AGBL1: variants seen among roughly 807,000 people sequenced by gnomAD.
The protein encoded by AGBL1 is cytosolic carboxypeptidase 4.
AGBL1 carries 130 observed loss-of-function variants against 118.9 expected under a neutral mutation model. The observed-to-expected ratio is 1.09, with a 90% CI of 0.95 to 1.26. The LOEUF is 1.26. AGBL1 is among the 50% of genes most tolerant of loss of function. AGBL1 has a pLI of 0.00. For synonymous variants in AGBL1, 555 were observed against 478.9 expected (o/e 1.16, Z -2.08); for missense variants, 1,584 against 1,298.1 (o/e 1.22, Z -3.38).
At chr15:86,494,638 A>T (rs575446307) in intron 18 of AGBL1, among the ~76,000 whole-genome samples, 56 of 152,218 alleles carry the variant, frequency 3.7e-4, no homozygotes, top group Non-Finnish European at 7.6e-4. Flanking sequence ...AAACATGAGC[A>T]GTTTATTTAC....
intron 24 of AGBL1, among the ~76,000 whole-genome samples, chr15:87,007,772 G>A (rs1483239255): frequency 1.3e-5 from 2 of 152,210 alleles, no homozygotes; most frequent in Non-Finnish European, 2.9e-5. Context: ...GATTACCTCT[G>A]TGTATGCTTA....
At chr15:86,112,019 C>G (rs34005257) in intron 1 of AGBL1, among the ~76,000 whole-genome samples, 23,731 of 152,166 alleles carry the variant, frequency 0.16, 1,954 homozygotes, top group East Asian at 0.24. Context: ...TGATCTGTCA[C>G]TGTTCCCCAA....
chr15:86,501,652 CT>C (rs1202475864), intron 18 of AGBL1, among the ~76,000 whole-genome samples: 1 of 151,410 alleles, frequency 6.6e-6, no homozygotes, highest in Non-Finnish European at 1.5e-5. Context: ...TCCAAATGTA[CT>C]GTTTTATGTA....
chr15:86,588,287 A>G (rs2142345940), intron 21 of AGBL1, among the ~76,000 whole-genome samples: 1 of 152,336 alleles, frequency 6.6e-6, no homozygotes, highest in African/African-American at 2.4e-5. Context: ...GAGAGCCTTG[A>G]TCACCTACAG....
intron 1 of AGBL1, among the ~76,000 whole-genome samples, chr15:86,089,338 A>G (rs955940398): frequency 6.6e-6 from 1 of 152,196 alleles, no homozygotes; most frequent in East Asian, 1.9e-4. Context: ...TAATGACCCT[A>G]CAACCAGTCT....
At chr15:86,838,798 G>C (rs1049342150) in intron 22 of AGBL1, among the ~76,000 whole-genome samples, 4 of 151,684 alleles carry the variant, frequency 2.6e-5, no homozygotes, top group Non-Finnish European at 5.9e-5. Context: ...TAAAAAAATA[G>C]TTGGACATGG....
chr15:86,145,218 G>A (rs2077017011), intron 3 of AGBL1, among the ~76,000 whole-genome samples: 1 of 152,176 alleles, frequency 6.6e-6, no homozygotes, highest in African/African-American at 2.4e-5. Context: ...GGGTGGACAT[G>A]AATTTTTGGG....
intron 22 of AGBL1, among the ~76,000 whole-genome samples, chr15:86,831,569 C>T (rs926452884): frequency 6.6e-6 from 1 of 152,226 alleles, no homozygotes; most frequent in Non-Finnish European, 1.5e-5. Flanking sequence ...CCAGAATGTT[C>T]TCCTTTGACC....
At chr15:86,464,053 T>C (rs1251364150) in intron 18 of AGBL1, among the ~76,000 whole-genome samples, 1 of 152,216 alleles carries the variant, frequency 6.6e-6, no homozygotes, top group Non-Finnish European at 1.5e-5. Flanking sequence ...TTTCACAATA[T>C]TGGTTCTTTC....
At chr15:86,783,524 C>T (rs919652819) in intron 22 of AGBL1, among the ~76,000 whole-genome samples, 2 of 152,186 alleles carry the variant, frequency 1.3e-5, no homozygotes, top group Non-Finnish European at 2.9e-5. Context: ...TAGAGTGGTC[C>T]TGTCTCCAAG....
intron 22 of AGBL1, among the ~76,000 whole-genome samples, chr15:86,675,567 A>C (rs990603791): frequency 2.0e-5 from 3 of 152,102 alleles, no homozygotes; most frequent in African/African-American, 7.2e-5. Context: ...TTATTTTGAC[A>C]TCACAACCAC....
chr15:86,216,620 C>G (rs2078193757), intron 5 of AGBL1, among the ~76,000 whole-genome samples: 1 of 152,174 alleles, frequency 6.6e-6, no homozygotes, highest in Non-Finnish European at 1.5e-5. Flanking sequence ...ATCCCATTTA[C>G]TCCTGTGTGT....
chr15:86,182,184 G>C (rs2077561934), intron 5 of AGBL1, among the ~76,000 whole-genome samples: 1 of 152,060 alleles, frequency 6.6e-6, no homozygotes, highest in Admixed American at 6.6e-5. Context: ...GGTAATGGGA[G>C]AGAAAGGCAT....
At chr15:86,938,700 A>C (rs2080709287) in intron 23 of AGBL1, 1 of 152,202 alleles carries the variant, frequency 6.6e-6, no homozygotes, top group Non-Finnish European at 1.5e-5. Flanking sequence ...CGTAGTTCTA[A>C]GGATGGGTGG....
At chr15:86,889,679 G>A (rs2080023256) in intron 22 of AGBL1, among the ~76,000 whole-genome samples, 2 of 152,102 alleles carry the variant, frequency 1.3e-5, no homozygotes, top group Admixed American at 1.3e-4. Flanking sequence ...AGTTTGCTGA[G>A]GATAACGACT....
At chr15:86,700,068 T>A (rs762979119) in intron 22 of AGBL1, among the ~76,000 whole-genome samples, 25 of 152,072 alleles carry the variant, frequency 1.6e-4, no homozygotes, top group Non-Finnish European at 3.7e-4. Flanking sequence ...CATTATGTAT[T>A]TATTTAGGTA....
At chr15:86,969,597 G>A (rs560191323) in intron 23 of AGBL1, among the ~76,000 whole-genome samples, 5 of 152,120 alleles carry the variant, frequency 3.3e-5, no homozygotes, top group African/African-American at 4.8e-5. Context: ...GACTATTTGC[G>A]TGGGAATGTG....
chr15:86,364,747 TC>T (rs2080854233), intron 17 of AGBL1, among the ~76,000 whole-genome samples: 2 of 151,896 alleles, frequency 1.3e-5, no homozygotes, highest in Non-Finnish European at 1.5e-5. Flanking sequence ...TGTGTTTCAA[TC>T]CCTTTTTTTA....
chr15:86,498,566 T>A (rs577566912), intron 18 of AGBL1, among the ~76,000 whole-genome samples: 9 of 152,012 alleles, frequency 5.9e-5, no homozygotes, highest in African/African-American at 1.9e-4. Flanking sequence ...ACATTATGAG[T>A]AGATGGAAAC....
Sources: allele counts gnomAD v4.1 joint callset (sites outside exome capture counted in the v4.1 genomes callset), GRCh38; gene constraint gnomAD v4.1.1; transcripts MANE v1.5; gene names NCBI Gene and HGNC (gene_info 2026-07-23, HGNC 2026-07-21).